MGAT4C: variants seen among roughly 807,000 people sequenced by gnomAD.
MGAT4C encodes the protein MGAT4 family member C, also known as alpha-1,3-mannosyl-glycoprotein 4-beta-N-acetylglucosaminyltransferase C.
MGAT4C carries 19 observed loss-of-function variants against 40.1 expected under a neutral mutation model. The ratio of observed to expected loss-of-function variants is 0.47; its 90% CI spans 0.33 to 0.70. The LOEUF is 0.70. Among genes scored for constraint, MGAT4C ranks in the 30% least tolerant of loss-of-function variants. The pLI is 0.02. For synonymous variants in MGAT4C, 181 were observed against 187.1 expected (o/e 0.97, Z 0.27); for missense variants, 491 against 563.2 (o/e 0.87, Z 1.30).
intron 1 of MGAT4C, among the ~76,000 whole-genome samples, chr12:86,111,113 G>A (rs777473420): frequency 3.3e-4 from 50 of 151,692 alleles, no homozygotes; most frequent in Non-Finnish European, 4.1e-4. Context: ...ACCATAGAAA[G>A]TTTCTGGCAT....
At chr12:86,065,554 G>A (rs974193973) in intron 1 of MGAT4C, among the ~76,000 whole-genome samples, 6 of 152,060 alleles carry the variant, frequency 3.9e-5, no homozygotes, top group South Asian at 2.1e-4. Context: ...TTGATGGAAC[G>A]TATATCAAAA....
chr12:86,320,443 T>C (rs1486010972), intron 4 of MGAT4C, among the ~76,000 whole-genome samples: 2 of 152,120 alleles, frequency 1.3e-5, no homozygotes, highest in Non-Finnish European at 2.9e-5. Context: ...TATTAAGACT[T>C]AATATTTTTC....
At chr12:86,802,704 C>G (rs1032172366) in intron 1 of MGAT4C, among the ~76,000 whole-genome samples, 7 of 147,524 alleles carry the variant, frequency 4.7e-5, no homozygotes, top group African/African-American at 1.8e-4. Context: ...ATCCAACTTA[C>G]AAGGGATGTG....
intron 1 of MGAT4C, among the ~76,000 whole-genome samples, chr12:86,784,908 G>A (rs1951906170): frequency 6.6e-6 from 1 of 151,922 alleles, no homozygotes; most frequent in Admixed American, 6.6e-5. Context: ...ATGATTGTAG[G>A]GAGCTTTGGA....
chr12:86,138,491 C>CCATATATATATCATATATATATTTT, intron 1 of MGAT4C, among the ~76,000 whole-genome samples: 1 of 146,780 alleles, frequency 6.8e-6, no homozygotes, highest in South Asian at 2.1e-4. Flanking sequence ...ATATATATTT[C>CCATATATATATCATATATATATTTT]CATATATATA....
Position 86,424,110 on chromosome 12 carries a change from A to AAC in MGAT4C, c.-120+11045_-120+11046dup, listed in dbSNP as rs529666882. 1.7e-3 allele frequency among the ~76,000 whole-genome samples: 266 copies of AAC among 152,372 alleles called. 1 individual carries two copies. The highest frequency in any genetic ancestry group is 6.8e-3 in the Middle Eastern group (2 of 294). ...CTTCATAGCTTAAACTTCATTAACCAACATATATAATAAAAACTTTGATAG... is the reference window on the plus strand; with the variant it reads ...CTTCATAGCTTAAACTTCATTAACCAACACATATATAATAAAAACTTTGATAG... On this transcript the variant is annotated intron_variant, in intron 3 of 7. Coordinates refer to the MGAT4C transcript ENST00000548651.
intron 4 of MGAT4C, among the ~76,000 whole-genome samples, chr12:85,982,378 G>A (rs1425557222): frequency 6.6e-6 from 1 of 152,080 alleles, no homozygotes; most frequent in Non-Finnish European, 1.5e-5. Flanking sequence ...TAGTAGAGAA[G>A]GGGTTTCACC....
At chr12:86,059,067 C>T (rs1893678385) in intron 1 of MGAT4C, among the ~76,000 whole-genome samples, 1 of 152,090 alleles carries the variant, frequency 6.6e-6, no homozygotes, top group Admixed American at 6.6e-5. Context: ...TTTTTCGAAA[C>T]AGAGTCTCAC....
At position 85,979,388 on chromosome 12, in the gene MGAT4C, A is replaced by T; in HGVS notation, c.1338T>A (p.Asn446Lys). 1 of 1,612,962 alleles carries T rather than the reference A, an allele frequency of 6.2e-7. No homozygotes were observed. The highest frequency in any genetic ancestry group is 8.5e-7 in the Non-Finnish European group (1 of 1,179,322). ...KNGNFEMSGV[N>K]QKIPFDIHCM... ...AATGTATATCAAATGGAATTTTTTG[A>T]TTTACACCTGACATTTCAAAGTTTC... The change falls in exon 5 of 5, where the codon AAT (asparagine) becomes AAA (lysine). Residue 446 changes from asparagine (N) to lysine (K), a missense_variant. Transcript: ENST00000611864.
chr12:86,662,233 G>T (rs1038618677), intron 2 of MGAT4C, among the ~76,000 whole-genome samples: 1 of 152,128 alleles, frequency 6.6e-6, no homozygotes, highest in Non-Finnish European at 1.5e-5. Flanking sequence ...TATCCCATAA[G>T]TCATTGTTTT....
At chr12:86,668,888 G>A (rs1283402267) in intron 2 of MGAT4C, among the ~76,000 whole-genome samples, 2 of 152,116 alleles carry the variant, frequency 1.3e-5, no homozygotes, top group Admixed American at 1.3e-4. Flanking sequence ...TTTAAGCAGG[G>A]CCCTCTCTGC....
chr12:86,166,267 A>T (rs1228707858), intron 1 of MGAT4C, among the ~76,000 whole-genome samples: 1 of 152,222 alleles, frequency 6.6e-6, no homozygotes, highest in Admixed American at 6.5e-5. Flanking sequence ...TAAATTCTAA[A>T]CTATTACTGA....
intron 3 of MGAT4C, among the ~76,000 whole-genome samples, chr12:86,425,634 G>A (rs1009762831): frequency 6.6e-6 from 1 of 152,118 alleles, no homozygotes; most frequent in Admixed American, 6.5e-5. Context: ...TTGCATCCTA[G>A]CACTGTTAAG....
chr12:86,702,623 C>G (rs57984643), intron 2 of MGAT4C, among the ~76,000 whole-genome samples: 6,695 of 152,226 alleles, frequency 0.044, 205 homozygotes, highest in African/African-American at 0.092. Context: ...CACCTGTTTA[C>G]AGTGTGGTTT....
At chr12:86,756,665 G>A (rs1951309468) in intron 1 of MGAT4C, among the ~76,000 whole-genome samples, 1 of 152,074 alleles carries the variant, frequency 6.6e-6, no homozygotes, top group Admixed American at 6.6e-5. Context: ...TGTAATAACA[G>A]ATACAAGAAC....
intron 2 of MGAT4C, among the ~76,000 whole-genome samples, chr12:86,627,742 A>T (rs1223168025): frequency 1.3e-5 from 2 of 152,208 alleles, no homozygotes; most frequent in Non-Finnish European, 2.9e-5. Flanking sequence ...TCTGTAGGTC[A>T]TGATCATCAA....
At chr12:86,248,469 A>G (rs1407768273) in intron 1 of MGAT4C, among the ~76,000 whole-genome samples, 2 of 151,316 alleles carry the variant, frequency 1.3e-5, no homozygotes, top group Middle Eastern at 3.2e-3. Flanking sequence ...AGTTTATCCT[A>G]TTTTCTACCC....
intron 1 of MGAT4C, among the ~76,000 whole-genome samples, chr12:86,244,326 A>G (rs934856482): frequency 7.9e-5 from 12 of 152,086 alleles, no homozygotes; most frequent in Non-Finnish European, 1.6e-4. Context: ...TACCAACACC[A>G]TTGGGGCAGG....
rs553370364 is a variant in MGAT4C at position 86,489,658 on chromosome 12, C to T, written c.-228-54393G>A. ...CTCCTGCTGGCACTGAAGCTGCTGG[C>T]CAGTTGCCACACTTGTTTGCTCATA... On this transcript the variant is annotated intron_variant, in intron 2 of 7. Transcript: ENST00000548651. 3.9e-5 allele frequency among the ~76,000 whole-genome samples: 6 copies of T among 152,288 alleles called. 1 individual carries two copies. In the South Asian group the frequency reaches 6.2e-4, roughly 16 times the overall value.
Sources: gnomAD v4.1 joint callset for allele counts (sites outside exome capture counted in the v4.1 genomes callset) on GRCh38, gnomAD v4.1.1 for gene constraint, MANE v1.5 for transcripts, NCBI Gene and HGNC (gene_info 2026-07-23, HGNC 2026-07-21) for gene names.